The following TM7SF3 variants were observed in gnomAD, a reference collection of about 807,000 sequenced individuals.
The protein encoded by TM7SF3 is transmembrane 7 superfamily member 3.
Under a neutral mutation model 65.5 loss-of-function variants are expected in TM7SF3, and 60 were observed. The observed-to-expected ratio is 0.92, with a 90% CI of 0.74 to 1.14. The LOEUF (loss-of-function observed/expected upper bound fraction) is 1.14, where lower values mean the gene tolerates loss of function less well. Among genes scored for constraint, TM7SF3 ranks in the 50% most tolerant of loss-of-function variants. The pLI is 0.00. For synonymous variants in TM7SF3, 264 were observed against 259.6 expected, an observed-to-expected ratio of 1.02 and a Z score of -0.16; for missense variants, 623 against 684.8, an observed-to-expected ratio of 0.91 and a Z score of 1.01.
In TM7SF3 at chr12:26,990,561, T is replaced by C; in HGVS notation, c.757A>G (p.Ile253Val). The C allele has an allele frequency of 1.2e-6, 2 of 1,614,064 alleles. No individual in the cohort carries two copies. Among genetic ancestry groups the C allele is most frequent in the Non-Finnish European group, 1.7e-6 (2 of 1,179,902 alleles). ...SFSSLPGQGVIYNVIVWDPFL... is the reference protein window; with the variant it reads ...SFSSLPGQGVVYNVIVWDPFL... ...GGGTCCCAAACAATGACATTGTATATGACACCTTGTCCCGGGAGGGAGGAG... is the reference window on the plus strand; with the variant it reads ...GGGTCCCAAACAATGACATTGTATACGACACCTTGTCCCGGGAGGGAGGAG... Residue 253 changes from isoleucine to valine, a missense_variant, in exon 6 of 12, where the codon ATA (isoleucine) becomes GTA (valine). Physicochemically the swap from Ile to Val is conservative, Grantham distance 29. Coordinates refer to ENST00000343028, the MANE Select transcript of TM7SF3 (RefSeq NM_016551.3).
rs1220618580 is a variant in TM7SF3, at chr12:26,971,846, G to C, written c.*2119C>G. ...GACAGTAAGGATTACAGAATAAGCA[G>C]TAAATGGTCACCTGCACTGTATTTT... is the stretch of plus-strand genomic sequence containing the variant. On this transcript the variant is annotated 3_prime_UTR_variant, in exon 12 of 12. Transcript: ENST00000343028. 6.6e-6 allele frequency: 1 copy of C among 152,182 alleles called. No individual in the cohort carries two copies. Among genetic ancestry groups the C allele is most frequent in the Non-Finnish European group, 1.5e-5 (1 of 68,036 alleles). The allele number at this position is 152,182 out of a possible 1,614,324, so 9.4% of individuals were successfully genotyped here.
chr12:26,987,835 C>G (rs1592285634), intron 6 of TM7SF3, among the ~76,000 whole-genome samples: 3 of 152,180 alleles, frequency 2.0e-5, no homozygotes, highest in Admixed American at 2.0e-4. Context: ...CTTGGCAAGA[C>G]ACCAATAACC....
intron 5 of TM7SF3, among the ~76,000 whole-genome samples, chr12:26,994,826 G>C (rs1940523070): frequency 6.6e-6 from 1 of 152,232 alleles, no homozygotes; most frequent in South Asian, 2.1e-4. Context: ...CTCCAAGTTA[G>C]ACTTTGAGTT....
chr12:26,996,985 G>A, intron 3 of TM7SF3, 123 bp from the exon 4 acceptor site: 1 of 1,026,952 alleles, frequency 9.7e-7, no homozygotes, highest in South Asian at 1.7e-5. Context: ...TATAAACGTA[G>A]AGCTTCTAGT....
chr12:27,013,340 T>C (rs1941321459), intron 1 of TM7SF3, among the ~76,000 whole-genome samples: 1 of 152,210 alleles, frequency 6.6e-6, no homozygotes, highest in African/African-American at 2.4e-5. Context: ...TCAAATCGAT[T>C]AGAAATTTCT....
chr12:26,979,003 A>G (rs978349391), intron 9 of TM7SF3: 10 of 152,172 alleles, frequency 6.6e-5, no homozygotes, highest in African/African-American at 1.9e-4. Context: ...CAGACTATCC[A>G]GTAGTCTTAG....
Position 27,014,070 on chromosome 12 carries a change from G to A in TM7SF3, c.91+8C>T. On this transcript the variant is annotated splice_region_variant and intron_variant, in intron 1 of 11. Coordinates refer to ENST00000343028, the MANE Select transcript of TM7SF3 (RefSeq NM_016551.3). ...TTGGGTTGCAGAAGCCAGGCGCCCC[G>A]ACCTTACCCTCGCTGGAATTCCCGA... 1 of 1,562,482 alleles carries A rather than the reference G, an allele frequency of 6.4e-7. No homozygotes were observed. The highest frequency in any genetic ancestry group is 1.2e-5 in the South Asian group (1 of 84,868).
intron 3 of TM7SF3, among the ~76,000 whole-genome samples, chr12:26,999,025 T>A (rs1940717072): frequency 6.6e-6 from 1 of 152,208 alleles, no homozygotes; most frequent in African/African-American, 2.4e-5. Flanking sequence ...CCCTAAATGT[T>A]TTTCGAATGA....
chr12:26,971,919 C>G lies in TM7SF3; in HGVS notation c.*2046G>C, dbSNP rs1043202916. ...TTTTCTATGTTGTTTTATCCTGCCCCAAACACTTAAAGCAAAAGTTAAATA... is the reference window on the plus strand; with the variant it reads ...TTTTCTATGTTGTTTTATCCTGCCCGAAACACTTAAAGCAAAAGTTAAATA... On this transcript the variant is annotated 3_prime_UTR_variant, in exon 12 of 12. Transcript: ENST00000343028. 4.6e-5 allele frequency: 7 copies of G among 152,136 alleles called. No individual in the cohort carries two copies. Among genetic ancestry groups the G allele is most frequent in the Non-Finnish European group, 1.0e-4 (7 of 68,014 alleles). 9.4% of individuals were successfully genotyped at this position (152,136 alleles called of 1,614,324 possible). A position where few individuals can be genotyped will look rare whatever the true frequency, so the allele number is the denominator to read the frequency against.
At chr12:27,002,701 G>A (rs1398638609) in intron 2 of TM7SF3, among the ~76,000 whole-genome samples, 1 of 152,158 alleles carries the variant, frequency 6.6e-6, no homozygotes, top group East Asian at 1.9e-4. Context: ...TGAGGTTAAG[G>A]GGTTTAGTGA....
At chr12:26,980,719 G>A (rs1592274865) in intron 7 of TM7SF3, 73 bp from the exon 8 acceptor site, 3 of 713,932 alleles carry the variant, frequency 4.2e-6, no homozygotes, top group Non-Finnish European at 7.1e-6. Flanking sequence ...TTTTTACAGT[G>A]CAATTTAAAT....
At chr12:27,013,930 T>G (rs1192490756) in intron 1 of TM7SF3, 148 bp downstream of exon 1, 12 of 722,352 alleles carry the variant, frequency 1.7e-5, no homozygotes, top group Non-Finnish European at 2.5e-5. Flanking sequence ...GAAACACCAT[T>G]CGTGCCGGTT....
At chr12:26,995,477 A>G in intron 4 of TM7SF3, 69 bp from the exon 5 acceptor site, 1 of 1,525,594 alleles carries the variant, frequency 6.6e-7, no homozygotes, top group South Asian at 1.2e-5. Context: ...AAAGGAACCA[A>G]GAGCCCTAAT....
chr12:26,981,960 A>G (rs2136386766), intron 7 of TM7SF3, among the ~76,000 whole-genome samples: 1 of 152,280 alleles, frequency 6.6e-6, no homozygotes, highest in South Asian at 2.1e-4. Context: ...CTGCAGCCCC[A>G]TAGCCTGATT....
intron 6 of TM7SF3, among the ~76,000 whole-genome samples, chr12:26,989,841 A>G (rs1431366705): frequency 1.3e-5 from 2 of 152,160 alleles, no homozygotes; most frequent in African/African-American, 4.8e-5. Flanking sequence ...ATCTTAGATC[A>G]TGGCACCATT....
chr12:27,001,134 T>C (rs1344978336), intron 2 of TM7SF3, among the ~76,000 whole-genome samples: 1 of 152,118 alleles, frequency 6.6e-6, no homozygotes, highest in African/African-American at 2.4e-5. Context: ...CCACACTTTA[T>C]TAGGAAGGGC....
chr12:26,983,802 A>C (rs1455330649), intron 6 of TM7SF3, among the ~76,000 whole-genome samples: 4 of 152,242 alleles, frequency 2.6e-5, no homozygotes, highest in African/African-American at 9.6e-5. Flanking sequence ...ATTGCCTTGG[A>C]GAAAAATGTT....
At chr12:26,990,124 T>C (rs2136409412) in intron 6 of TM7SF3, among the ~76,000 whole-genome samples, 1 of 152,320 alleles carries the variant, frequency 6.6e-6, no homozygotes, top group South Asian at 2.1e-4. Context: ...AGGACTGCCC[T>C]GGCCATGCTA....
At chr12:26,975,765 T>C in intron 10 of TM7SF3, 107 bp from the exon 11 acceptor site, 2 of 1,256,532 alleles carry the variant, frequency 1.6e-6, no homozygotes, top group Non-Finnish European at 2.2e-6. Context: ...CCCTCAGGCA[T>C]GAAAAAGGAC....
Sources: gnomAD v4.1 joint callset for allele counts (sites outside exome capture counted in the v4.1 genomes callset) on GRCh38, gnomAD v4.1.1 for gene constraint, MANE v1.5 for transcripts, NCBI Gene and HGNC (gene_info 2026-07-23, HGNC 2026-07-21) for gene names.